Variants in CMTM8 observed in about 807,000 individuals in gnomAD.
CMTM8 encodes CKLF like MARVEL transmembrane domain containing 8.
A neutral mutation model predicts 18.6 loss-of-function variants in CMTM8; 12 were observed. The observed-to-expected ratio is 0.65, with a 90% confidence interval of 0.41 to 1.05. The LOEUF (loss-of-function observed/expected upper bound fraction) is 1.05, where lower values mean the gene tolerates loss of function less well. Ranked by LOEUF, CMTM8 falls within the 50% of genes least tolerant of loss-of-function variation. The pLI is 0.00. For missense variants in CMTM8, 217 were observed against 227.2 expected (o/e 0.95, Z 0.29); for synonymous variants, 87 against 90.6 (o/e 0.96, Z 0.23).
intron 1 of CMTM8, among the ~76,000 whole-genome samples, chr3:32,275,658 T>TC (rs1245038545): frequency 9.6e-6 from 1 of 103,784 alleles, no homozygotes; most frequent in African/African-American, 3.7e-5. Context: ...TTTTTTTTTT[T>TC]TTTTTTTTGG....
intron 1 of CMTM8, among the ~76,000 whole-genome samples, chr3:32,280,782 T>C (rs564573702): frequency 1.5e-5 from 2 of 129,838 alleles, no homozygotes; most frequent in East Asian, 4.5e-4. Flanking sequence ...GTACCTGGGG[T>C]GGAGTCGACC....
intron 1 of CMTM8, among the ~76,000 whole-genome samples, chr3:32,302,784 G>A (rs1381655819): frequency 1.3e-5 from 2 of 152,130 alleles, no homozygotes; most frequent in Admixed American, 6.5e-5. Context: ...GCACACACAC[G>A]AAGTGTATGA....
chr3:32,365,199 G>C (rs1697006884), intron 2 of CMTM8, among the ~76,000 whole-genome samples: 1 of 151,742 alleles, frequency 6.6e-6, no homozygotes, highest in East Asian at 1.9e-4. Context: ...TTTACTAACT[G>C]TATATTATCT....
At chr3:32,355,094 C>T (rs1361756922) in intron 1 of CMTM8, among the ~76,000 whole-genome samples, 1 of 152,188 alleles carries the variant, frequency 6.6e-6, no homozygotes, top group Non-Finnish European at 1.5e-5. Flanking sequence ...CTGGCACAGG[C>T]ACCAAAACTG....
At chr3:32,367,850 C>G in intron 2 of CMTM8, 22 bp from the exon 3 acceptor site, 1 of 1,545,310 alleles carries the variant, frequency 6.5e-7, no homozygotes, top group Non-Finnish European at 8.9e-7. Flanking sequence ...TCCCTAAACA[C>G]TCTGCCCCTG....
intron 1 of CMTM8, among the ~76,000 whole-genome samples, chr3:32,343,313 G>C (rs1480821491): frequency 6.6e-6 from 1 of 152,200 alleles, no homozygotes; most frequent in Admixed American, 6.5e-5. Context: ...TATGGGATAA[G>C]TCTTGCCTTT....
chr3:32,315,376 C>G (rs1427891555), intron 1 of CMTM8, among the ~76,000 whole-genome samples: 1 of 152,066 alleles, frequency 6.6e-6, no homozygotes, highest in East Asian at 1.9e-4. Flanking sequence ...GTGATCCACC[C>G]ACCTCGGCCT....
intron 1 of CMTM8, among the ~76,000 whole-genome samples, chr3:32,274,442 G>A (rs966777078): frequency 7.2e-5 from 11 of 152,208 alleles, no homozygotes; most frequent in African/African-American, 2.6e-4. Flanking sequence ...AAAGTTGTAA[G>A]GACAGTATAG....
chr3:32,365,891 T>C (rs1226268452), intron 2 of CMTM8, among the ~76,000 whole-genome samples: 1 of 152,228 alleles, frequency 6.6e-6, no homozygotes, highest in Non-Finnish European at 1.5e-5. Flanking sequence ...CAAGACCTCA[T>C]GTTTCTATGA....
At chr3:32,329,571 G>A (rs943502550) in intron 1 of CMTM8, among the ~76,000 whole-genome samples, 7 of 152,016 alleles carry the variant, frequency 4.6e-5, no homozygotes, top group African/African-American at 7.3e-5. Context: ...ATTCAACACC[G>A]TTTCATGATA....
chr3:32,280,658 G>A (rs907309422), intron 1 of CMTM8, among the ~76,000 whole-genome samples: 1 of 151,934 alleles, frequency 6.6e-6, no homozygotes, highest in Non-Finnish European at 1.5e-5. Context: ...CTTCATTTGT[G>A]TGTTTTGTCC....
chr3:32,322,113 A>G (rs1450551653), intron 1 of CMTM8, among the ~76,000 whole-genome samples: 1 of 152,162 alleles, frequency 6.6e-6, no homozygotes, highest in Non-Finnish European at 1.5e-5. Flanking sequence ...AGAGGACTTT[A>G]TTGGTGGTAC....
At chr3:32,258,722 G>C (rs1453817087) in intron 1 of CMTM8, among the ~76,000 whole-genome samples, 1 of 152,006 alleles carries the variant, frequency 6.6e-6, no homozygotes, top group East Asian at 1.9e-4. Context: ...TGGTGCCCAG[G>C]CTATTCTCAA....
intron 1 of CMTM8, among the ~76,000 whole-genome samples, chr3:32,247,958 A>G (rs1172916505): frequency 6.6e-6 from 1 of 152,210 alleles, no homozygotes; most frequent in East Asian, 1.9e-4. Flanking sequence ...TTTCACATAA[A>G]TGGAATCCTA....
At position 32,238,686 on chromosome 3, in the gene CMTM8, A is replaced by C. The variant is rs141871995; in HGVS notation, c.-287A>C. 0.15 allele frequency: 9,361 copies of C among 63,708 alleles called. 559 individuals are homozygous for C. Among genetic ancestry groups the C allele is most frequent in the East Asian group, 0.4 (1,123 of 2,842 alleles). 3.9% of individuals were successfully genotyped at this position (63,708 alleles called of 1,614,324 possible). A position where few individuals can be genotyped will look rare whatever the true frequency, so the allele number is the denominator to read the frequency against. On this transcript the variant is annotated 5_prime_UTR_variant, in exon 1 of 4. Transcript: ENST00000307526. ...GCCCCCTCCCCTCCTCCGGGCCTCC[A>C]CCGCCTTCCCCGGCTGCCCGGCAGC... is the stretch of plus-strand genomic sequence containing the variant.
Position 32,259,615 on chromosome 3 carries a change from C to T in CMTM8, c.147+20496C>T, listed in dbSNP as rs988077544. 2.1e-4 allele frequency: 271 copies of T among 1,301,580 alleles called. 1 individual carries two copies. The highest frequency in any genetic ancestry group is 2.9e-4 in the Non-Finnish European group (257 of 900,436). 80.6% of individuals were successfully genotyped at this position (1,301,580 alleles called of 1,614,324 possible). A position where few individuals can be genotyped will look rare whatever the true frequency, so the allele number is the denominator to read the frequency against. On this transcript the variant is annotated intron_variant, in intron 1 of 3. Transcript: ENST00000307526. ...AAGAGGAAGTAAAAGGCCTACAAGC[C>T]CAGATTGCCAGCTCTGGGTTGACCG...
intron 1 of CMTM8, among the ~76,000 whole-genome samples, chr3:32,353,265 A>G (rs934479030): frequency 3.3e-5 from 5 of 152,186 alleles, no homozygotes; most frequent in African/African-American, 2.4e-5. Context: ...AAATGCTGGG[A>G]TTATAGGCGT....
intron 1 of CMTM8, among the ~76,000 whole-genome samples, chr3:32,299,244 C>T (rs1469388483): frequency 6.6e-6 from 1 of 152,090 alleles, no homozygotes; most frequent in Non-Finnish European, 1.5e-5. Context: ...TTTCTTCCTT[C>T]TACTCCTTCC....
intron 1 of CMTM8, among the ~76,000 whole-genome samples, chr3:32,277,320 G>T (rs988477390): frequency 2.0e-5 from 3 of 152,200 alleles, no homozygotes; most frequent in African/African-American, 4.8e-5. Context: ...CCCCACGGTG[G>T]TTGCTGCTGC....
Sources: gnomAD v4.1 joint callset for allele counts (sites outside exome capture counted in the v4.1 genomes callset) on GRCh38, gnomAD v4.1.1 for gene constraint, MANE v1.5 for transcripts, NCBI Gene and HGNC (gene_info 2026-07-23, HGNC 2026-07-21) for gene names.